PCDHA3: variants seen among roughly 807,000 people sequenced by gnomAD.
PCDHA3 encodes the protein protocadherin alpha 3.
PCDHA3 carries 41 observed loss-of-function variants against 62.2 expected under a neutral mutation model. The ratio of observed to expected loss-of-function variants is 0.66; its 90% CI spans 0.51 to 0.86. The LOEUF (loss-of-function observed/expected upper bound fraction) is 0.86. PCDHA3 is among the 40% of genes least tolerant of loss of function. PCDHA3 has a pLI of 0.00. For missense variants in PCDHA3, 1,304 were observed against 1,241.2 expected, an observed-to-expected ratio of 1.05 and a Z score of -0.76; for synonymous variants, 640 against 555.4, an observed-to-expected ratio of 1.15 and a Z score of -2.14.
chr5:140,809,877 A>C, intron 1 of PCDHA3: 1 of 248,142 alleles, frequency 4.0e-6, no homozygotes, highest in South Asian at 7.6e-5. Flanking sequence ...CTATTATTTA[A>C]CCTATTACAT....
rs569133317 is a variant in PCDHA3, at chr5:140,801,498, G to T, written c.301G>T (p.Glu101Ter). The change falls in exon 1 of 4, where the codon GAG (glutamate) becomes TAG (stop). Residue 101 changes from glutamate (E) to a stop codon, truncating the protein, a stop_gained. Coordinates refer to ENST00000522353, the MANE Select transcript of PCDHA3 (RefSeq NM_018906.3). LOFTEE classifies it high-confidence loss of function. ...DREELCGRSA[E>*]CSIHLEVIVD... Reference sequence around the variant, plus strand: ...CGAGGAACTGTGCGGGCGGAGCGCGGAGTGCAGCATCCACCTGGAGGTGAT... The same window carrying T: ...CGAGGAACTGTGCGGGCGGAGCGCGTAGTGCAGCATCCACCTGGAGGTGAT... The T allele has an allele frequency of 6.2e-7, 1 of 1,614,170 alleles. No individual in the cohort carries two copies. Among genetic ancestry groups the T allele is most frequent in the South Asian group, 1.1e-5 (1 of 91,084 alleles).
At position 140,876,146 on chromosome 5, in the gene PCDHA3, C is replaced by G. The variant is rs75398909; in HGVS notation, c.2394+72555C>G. The G allele has an allele frequency of 1.6e-3, 2,650 of 1,613,952 alleles. 40 individuals carry two copies. In the African/African-American group the frequency reaches 0.028, roughly 17 times the overall value. ...GGCGGTAAACCAGAACTAACAGGGT[C>G]TGTCCAGATTCAAATAACCGTCCTG... On this transcript the variant is annotated intron_variant, in intron 1 of 3. Coordinates refer to ENST00000522353, the MANE Select transcript of PCDHA3 (RefSeq NM_018906.3).
At chr5:140,847,099 C>T (rs1780855366) in intron 1 of PCDHA3, among the ~76,000 whole-genome samples, 1 of 149,656 alleles carries the variant, frequency 6.7e-6, no homozygotes. Context: ...TTGGTTAAAA[C>T]ACACAGTCTG....
chr5:140,854,159 CAAA>C (rs59855104), intron 1 of PCDHA3: 332 of 340,956 alleles, frequency 9.7e-4, no homozygotes, highest in Non-Finnish European at 1.1e-3. Context: ...GATTCTGTCT[CAAA>C]AAAAAAAAAA....
chr5:140,850,242 C>T (rs2150475130), intron 1 of PCDHA3: 4 of 1,593,608 alleles, frequency 2.5e-6, no homozygotes, highest in African/African-American at 1.3e-5. Flanking sequence ...GATGGTGCTG[C>T]GGTCGGTGGG....
intron 1 of PCDHA3, chr5:140,967,070 A>C (rs781831975): frequency 6.2e-7 from 1 of 1,613,072 alleles, no homozygotes; most frequent in South Asian, 1.1e-5. Context: ...GCTCTTCGTC[A>C]ACGAGCGCAT....
rs545473160 is a variant in PCDHA3 at position 140,873,172 on chromosome 5, G to C, written c.2394+69581G>C. ...CATAGACTTTAGATCGAGAGCTTTT[G>C]TATCATAATATTCATTGGCTAAAAA... On this transcript the variant is annotated intron_variant, in intron 1 of 3. Transcript: ENST00000522353. 2.6e-5 allele frequency among the ~76,000 whole-genome samples: 4 copies of C among 152,084 alleles called. No individual in the cohort carries two copies. In the South Asian group the frequency reaches 8.3e-4, roughly 32 times the overall value.
intron 1 of PCDHA3, chr5:140,865,095 C>T (rs1163378400): frequency 2.0e-5 from 3 of 152,198 alleles, no homozygotes; most frequent in African/African-American, 7.2e-5. Context: ...TTAATAAAGG[C>T]ACTTCCACTT....
At chr5:140,821,973 G>A (rs2150112441) in intron 1 of PCDHA3, 2 of 1,614,176 alleles carry the variant, frequency 1.2e-6, no homozygotes, top group Non-Finnish European at 1.7e-6. Context: ...TCCGGGTGGC[G>A]TCCAAGGGCC....
intron 1 of PCDHA3, chr5:140,927,406 G>C: frequency 6.2e-7 from 1 of 1,614,210 alleles, no homozygotes; most frequent in East Asian, 2.2e-5. Context: ...CTTTCGCCTG[G>C]ACATGGGATC....
At chr5:140,842,048 G>A (rs2150328015) in intron 1 of PCDHA3, 1 of 1,613,798 alleles carries the variant, frequency 6.2e-7, no homozygotes. Context: ...TCCCACTTTC[G>A]AACAGTCTGA....
chr5:140,889,541 ATTTAC>A (rs1434823292), intron 1 of PCDHA3, among the ~76,000 whole-genome samples: 9 of 151,878 alleles, frequency 5.9e-5, no homozygotes, highest in African/African-American at 2.2e-4. Context: ...TTCCTGTCTA[ATTTAC>A]TTTTCTTCAG....
chr5:140,891,931 G>A (rs2063313924), intron 1 of PCDHA3, among the ~76,000 whole-genome samples: 1 of 152,168 alleles, frequency 6.6e-6, no homozygotes, highest in Non-Finnish European at 1.5e-5. Flanking sequence ...CTTGATCTTG[G>A]ACTTCCCCTA....
chr5:140,896,090 C>CA (rs2065374359), intron 1 of PCDHA3, among the ~76,000 whole-genome samples: 1 of 152,152 alleles, frequency 6.6e-6, no homozygotes, highest in Non-Finnish European at 1.5e-5. Flanking sequence ...GGATTACAGG[C>CA]GTGAGCCACT....
chr5:140,824,847 A>T (rs1768370968), intron 1 of PCDHA3: 1 of 152,042 alleles, frequency 6.6e-6, no homozygotes, highest in African/African-American at 2.4e-5. Flanking sequence ...ACACTAATTT[A>T]GTTTGTTTTC....
At chr5:140,805,679 C>T in intron 1 of PCDHA3, 1 of 805,768 alleles carries the variant, frequency 1.2e-6, no homozygotes, top group Non-Finnish European at 1.5e-6. Context: ...CAGGATGATT[C>T]AAAGATCATG....
chr5:140,914,815 GACTGCATAAACAAAAAACAAACACACAA>G (rs2076856567), intron 1 of PCDHA3, among the ~76,000 whole-genome samples: 1 of 151,986 alleles, frequency 6.6e-6, no homozygotes, highest in Non-Finnish European at 1.5e-5. Context: ...CAACTTAACA[GACTGCATAAACAAAAAACAAACACACAA>G]AAGGAAGACT....
intron 1 of PCDHA3, chr5:140,829,933 G>A (rs1554132408): frequency 3.7e-6 from 6 of 1,613,652 alleles, no homozygotes; most frequent in East Asian, 2.2e-5. Context: ...TGCAGCCCCC[G>A]GCAAGCAGCG....
intron 1 of PCDHA3, chr5:140,823,728 G>A (rs2150128534): frequency 4.8e-5 from 77 of 1,613,922 alleles, no homozygotes; most frequent in South Asian, 2.2e-5. Context: ...TGCTGGTGAA[G>A]GACCATGGAG....
Sources: allele counts gnomAD v4.1 joint callset (sites outside exome capture counted in the v4.1 genomes callset), GRCh38; gene constraint gnomAD v4.1.1; transcripts MANE v1.5; gene names NCBI Gene and HGNC (gene_info 2026-07-23, HGNC 2026-07-21).